The following C1QTNF3 variants were observed in gnomAD, a reference collection of about 807,000 sequenced individuals.
The protein encoded by C1QTNF3 is C1q and TNF related 3, also known as complement C1q tumor necrosis factor-related protein 3.
In C1QTNF3, 26 loss-of-function variants were observed where a neutral mutation model predicts 32.6. That is an observed-to-expected ratio of 0.80 (90% CI 0.58 to 1.11). C1QTNF3 has a LOEUF of 1.11. Among genes scored for constraint, C1QTNF3 ranks in the 50% least tolerant of loss-of-function variants. The pLI, the probability that C1QTNF3 is intolerant of heterozygous loss-of-function variation, is 0.00. For missense variants in C1QTNF3, 362 were observed against 398.2 expected, an observed-to-expected ratio of 0.91 and a Z score of 0.77; for synonymous variants, 155 against 146.0, an observed-to-expected ratio of 1.06 and a Z score of -0.44.
At chr5:34,220,762 T>C in the C1QTNF3 span, among the ~76,000 whole-genome samples, 1 of 152,114 alleles carries the variant, frequency 6.6e-6, no homozygotes, top group Non-Finnish European at 1.5e-5. Flanking sequence ...TTTGCATGGC[T>C]GCCTCTTTAT....
the C1QTNF3 span, among the ~76,000 whole-genome samples, chr5:34,234,604 C>T: frequency 6.6e-6 from 1 of 151,998 alleles, no homozygotes. Context: ...TCTGTAAAAT[C>T]TAAGTTACCA....
the C1QTNF3 span, among the ~76,000 whole-genome samples, chr5:34,082,457 G>A: frequency 1.3e-5 from 2 of 151,576 alleles, no homozygotes; most frequent in Admixed American, 6.6e-5. Flanking sequence ...ATTGCTTTTC[G>A]ATCTGCAGGC....
chr5:34,113,056 T>G, the C1QTNF3 span, among the ~76,000 whole-genome samples: 16 of 150,042 alleles, frequency 1.1e-4, no homozygotes, highest in African/African-American at 3.9e-4. Context: ...TCCCCTAGAC[T>G]TCTGTTATAT....
At chr5:34,108,257 C>T in the C1QTNF3 span, among the ~76,000 whole-genome samples, 150 of 152,132 alleles carry the variant, frequency 9.9e-4, no homozygotes, top group Middle Eastern at 0.01. Context: ...ATTATTGACT[C>T]TCTTGGAGTT....
At chr5:34,106,127 T>C in the C1QTNF3 span, 1 of 151,946 alleles carries the variant, frequency 6.6e-6, no homozygotes, top group East Asian at 1.9e-4. Context: ...TATAATGCAA[T>C]ACAAATAGTT....
chr5:34,229,286 C>T, the C1QTNF3 span, among the ~76,000 whole-genome samples: 6 of 151,980 alleles, frequency 3.9e-5, no homozygotes, highest in Non-Finnish European at 7.4e-5. Flanking sequence ...ATCACATCTA[C>T]CTCTTCCTCT....
At chr5:34,198,293 G>A in the C1QTNF3 span, among the ~76,000 whole-genome samples, 3 of 114,490 alleles carry the variant, frequency 2.6e-5, no homozygotes, top group Non-Finnish European at 4.8e-5. Flanking sequence ...AATAATCAAG[G>A]CACTAATCCC....
chr5:34,102,267 T>A, the C1QTNF3 span, among the ~76,000 whole-genome samples: 1 of 152,328 alleles, frequency 6.6e-6, no homozygotes, highest in East Asian at 1.9e-4. Flanking sequence ...ATTTTTCTCT[T>A]CATTATTTAT....
At chr5:34,129,258 C>G in the C1QTNF3 span, among the ~76,000 whole-genome samples, 1 of 152,134 alleles carries the variant, frequency 6.6e-6, no homozygotes. Flanking sequence ...ATTACCCAGT[C>G]TCAGGTAGTT....
chr5:34,044,674 G>A (rs1754956945), upstream of C1QTNF3, among the ~76,000 whole-genome samples: 1 of 152,162 alleles, frequency 6.6e-6, no homozygotes, highest in African/African-American at 2.4e-5. Flanking sequence ...TGGGGACGGA[G>A]GGAGAGAGTT....
chr5:34,227,422 A>G, the C1QTNF3 span, among the ~76,000 whole-genome samples: 1 of 152,002 alleles, frequency 6.6e-6, no homozygotes, highest in East Asian at 1.9e-4. Context: ...AGATGCATAT[A>G]TATTTCATTG....
the C1QTNF3 span, among the ~76,000 whole-genome samples, chr5:34,142,093 C>T: frequency 2.6e-5 from 4 of 152,190 alleles, no homozygotes; most frequent in East Asian, 3.9e-4. Flanking sequence ...CCCCATAATA[C>T]AGCATCTGCC....
At position 34,021,194 on chromosome 5, in the gene C1QTNF3, C is replaced by T. The variant is rs560119891; in HGVS notation, c.801-452G>A. Among the ~76,000 whole-genome samples the T allele has an allele frequency of 3.2e-4, 49 of 152,290 alleles. No homozygotes were observed. In the South Asian group the frequency reaches 9.7e-3, roughly 30 times the overall value. On this transcript the variant is annotated intron_variant, in intron 5 of 5. Coordinates refer to ENST00000382065, the MANE Select transcript of C1QTNF3 (RefSeq NM_181435.6). ...AATTTGGTACAAAAGGAGGCTGCTCCGCAACCCAAATAAAAATAGGCTTGC... is the reference window on the plus strand; with the variant it reads ...AATTTGGTACAAAAGGAGGCTGCTCTGCAACCCAAATAAAAATAGGCTTGC...
At chr5:34,053,878 C>T in the C1QTNF3 span, among the ~76,000 whole-genome samples, 23 of 152,160 alleles carry the variant, frequency 1.5e-4, no homozygotes, top group African/African-American at 4.8e-4. Flanking sequence ...TGAGATGTTG[C>T]TCTTCAGTAA....
At chr5:34,077,733 G>A in the C1QTNF3 span, among the ~76,000 whole-genome samples, 2 of 151,496 alleles carry the variant, frequency 1.3e-5, no homozygotes, top group Non-Finnish European at 2.9e-5. Flanking sequence ...GGGAGAGGCT[G>A]ACTTGAAAAT....
chr5:34,195,419 T>G, the C1QTNF3 span, among the ~76,000 whole-genome samples: 2 of 139,440 alleles, frequency 1.4e-5, no homozygotes, highest in Admixed American at 1.5e-4. Flanking sequence ...AACTGAAAAA[T>G]TATTGATACT....
At chr5:34,237,496 G>C in the C1QTNF3 span, among the ~76,000 whole-genome samples, 1 of 152,260 alleles carries the variant, frequency 6.6e-6, no homozygotes, top group South Asian at 2.1e-4. Flanking sequence ...CACTGCATAA[G>C]ATTTTACTCC....
the C1QTNF3 span, among the ~76,000 whole-genome samples, chr5:34,135,500 G>A: frequency 6.6e-6 from 1 of 152,080 alleles, no homozygotes; most frequent in African/African-American, 2.4e-5. Context: ...AATGGTAACA[G>A]CTCCTCTTTG....
chr5:34,228,049 A>G, the C1QTNF3 span, among the ~76,000 whole-genome samples: 9 of 151,498 alleles, frequency 5.9e-5, no homozygotes, highest in African/African-American at 2.2e-4. Context: ...TTTTACCGGA[A>G]TTTTTATTAA....
Sources: gnomAD v4.1 joint callset for allele counts (sites outside exome capture counted in the v4.1 genomes callset) on GRCh38, gnomAD v4.1.1 for gene constraint, MANE v1.5 for transcripts, NCBI Gene and HGNC (gene_info 2026-07-23, HGNC 2026-07-21) for gene names.